The following FGF17 variants were observed in gnomAD, a reference collection of about 807,000 sequenced individuals.
FGF17 encodes the protein fibroblast growth factor 17.
In FGF17, 5 loss-of-function variants were observed where a neutral mutation model predicts 23.5. The ratio of observed to expected loss-of-function variants is 0.21; its 90% confidence interval spans 0.11 to 0.45. FGF17 has a LOEUF of 0.45. Ranked by LOEUF, FGF17 falls within the 20% of genes least tolerant of loss-of-function variation. The probability of loss-of-function intolerance (pLI) is 0.99; values close to 1 mark genes in which losing one functional copy is unlikely to be tolerated. For missense variants in FGF17, 221 were observed against 306.9 expected, an observed-to-expected ratio of 0.72 and a Z score of 2.09; for synonymous variants, 136 against 123.0, an observed-to-expected ratio of 1.11 and a Z score of -0.70.
chr8:22,042,904 A>G lies in FGF17; in HGVS notation c.-25A>G. 6.2e-7 allele frequency: 1 copy of G among 1,613,028 alleles called. No individual in the cohort carries two copies. Among genetic ancestry groups the G allele is most frequent in the Non-Finnish European group, 8.5e-7 (1 of 1,179,640 alleles). ...CTCCTGAGCTTGGGGGCAGGGGGGCAACCGCCTGAGGAACCTCTCCAGCGA... is the reference window on the plus strand; with the variant it reads ...CTCCTGAGCTTGGGGGCAGGGGGGCGACCGCCTGAGGAACCTCTCCAGCGA... On this transcript the variant is annotated 5_prime_UTR_variant, in exon 1 of 5. Transcript: ENST00000359441.
intron 2 of FGF17, among the ~76,000 whole-genome samples, chr8:22,043,642 G>T (rs1460950275): frequency 2.6e-5 from 4 of 152,084 alleles, no homozygotes; most frequent in Non-Finnish European, 5.9e-5. Context: ...AGAATGCCTG[G>T]CCAGGGTGAG....
At chr8:22,044,473 G>A in intron 2 of FGF17, 1 of 153,706 alleles carries the variant, frequency 6.5e-6, no homozygotes, top group Non-Finnish European at 1.4e-5. Context: ...AAGCTTGAAG[G>A]GGGACGAGGA....
chr8:22,045,709 G>C, intron 2 of FGF17: 1 of 1,119,780 alleles, frequency 8.9e-7, no homozygotes, highest in Non-Finnish European at 1.1e-6. Flanking sequence ...TGTCCTTGGA[G>C]TTCTGGGGGA....
upstream of FGF17, among the ~76,000 whole-genome samples, chr8:22,041,506 C>T (rs1292872168): frequency 2.0e-5 from 3 of 152,178 alleles, no homozygotes; most frequent in African/African-American, 7.2e-5. Context: ...GGTCTTCCCT[C>T]AGAGACCCCC....
rs1801020473 is a variant in FGF17 at position 22,048,555 on chromosome 8, T to TGAA, written c.*308_*310dup. The TGAA allele has an allele frequency of 2.3e-6, 1 of 428,456 alleles. No homozygotes were observed. The highest frequency in any genetic ancestry group is 4.2e-6 in the Non-Finnish European group (1 of 239,396). 26.5% of individuals were successfully genotyped at this position (428,456 alleles called of 1,614,324 possible). On this transcript the variant is annotated 3_prime_UTR_variant, in exon 5 of 5. Coordinates refer to ENST00000359441, the MANE Select transcript of FGF17 (RefSeq NM_003867.4). The surrounding 1 kb of genome is among the most constrained non-coding windows in gnomAD (Gnocchi z 6.9). ...TGAAGCCCGCTGAAAGGTCAGCGAC[T>TGAA]GAAGGCCTTGCAGACAACCGTCTGG...
At chr8:22,044,035 C>A (rs192015433) in intron 2 of FGF17, among the ~76,000 whole-genome samples, 73 of 151,934 alleles carry the variant, frequency 4.8e-4, no homozygotes, top group Non-Finnish European at 8.4e-4. Context: ...ATTCCCCCCC[C>A]CTTCCTTCCC....
At chr8:22,045,649 G>A (rs1395348044) in intron 2 of FGF17, 1 of 1,067,070 alleles carries the variant, frequency 9.4e-7, no homozygotes, top group South Asian at 3.1e-5. Context: ...GTCTTTCAAG[G>A]CCAGTGGGGA....
At chr8:22,047,880 A>C in intron 4 of FGF17, 76 bp from the exon 5 acceptor site, 2 of 1,470,172 alleles carry the variant, frequency 1.4e-6, no homozygotes, top group Non-Finnish European at 1.8e-6. Context: ...TCAGTCGTCC[A>C]AAATAGGCCG....
chr8:22,048,224 C>T lies in FGF17; in HGVS notation c.626C>T (p.Thr209Ile). The change falls in exon 5 of 5, where the codon ACA (threonine) becomes ATA (isoleucine). Residue 209 changes from threonine to isoleucine, a missense_variant. Physicochemically the swap from Thr to Ile is moderately conservative, Grantham distance 89. Coordinates refer to ENST00000359441, the MANE Select transcript of FGF17 (RefSeq NM_003867.4). The surrounding 1 kb of genome is among the most constrained non-coding windows in gnomAD (Gnocchi z 6.9). ...GCCCCCACCCGCCGGACCAAGCGCA[C>T]ACGGCGGCCCCAGCCCCTCACGTAG... ...GSAPTRRTKR[T>I]RRPQPLT The T allele has an allele frequency of 1.2e-6, 2 of 1,608,866 alleles. No individual in the cohort carries two copies. The highest frequency in any genetic ancestry group is 1.7e-6 in the Non-Finnish European group (2 of 1,178,186).
chr8:22,042,657 C>T (rs1256817964), upstream of FGF17: 2 of 597,260 alleles, frequency 3.3e-6, no homozygotes, highest in Non-Finnish European at 3.0e-6. Flanking sequence ...CCAGAGGGCA[C>T]AGCGCGCACG....
intron 3 of FGF17, 46 bp downstream of exon 3, chr8:22,046,337 C>A: frequency 6.3e-7 from 1 of 1,588,726 alleles, no homozygotes; most frequent in Non-Finnish European, 8.6e-7. Flanking sequence ...TCCACTCTGC[C>A]TCACTTCCAC....
At position 22,048,042 on chromosome 8, in the gene FGF17, C is replaced by T. The variant is rs1389424375; in HGVS notation, c.444C>T (p.Gly148=). The change falls in exon 5 of 5, where the codon GGC becomes GGT. Residue 148 remains glycine (G), a synonymous_variant. Coordinates refer to ENST00000359441, the MANE Select transcript of FGF17 (RefSeq NM_003867.4). The surrounding 1 kb of genome is among the most constrained non-coding windows in gnomAD (Gnocchi z 6.9). ...CCTTCCAGAACGCCCGGCACGAGGG[C>T]TGGTTCATGGCCTTCACGCGGCAGG... ...YTAFQNARHE[G]WFMAFTRQGR... 5.0e-6 allele frequency: 8 copies of T among 1,613,066 alleles called. No individual in the cohort carries two copies. The highest frequency in any genetic ancestry group is 5.9e-6 in the Non-Finnish European group (7 of 1,179,704).
At chr8:22,047,871 C>A in intron 4 of FGF17, 85 bp from the exon 5 acceptor site, 2 of 1,375,026 alleles carry the variant, frequency 1.5e-6, no homozygotes, top group Non-Finnish European at 2.0e-6. Context: ...TGTCCCTCCT[C>A]AGTCGTCCAA....
chr8:22,047,482 G>A (rs1215483039), intron 4 of FGF17, among the ~76,000 whole-genome samples: 3 of 152,194 alleles, frequency 2.0e-5, no homozygotes, highest in African/African-American at 7.2e-5. Context: ...GCTTATCTTT[G>A]TCAAGCCTCA....
intron 2 of FGF17, among the ~76,000 whole-genome samples, chr8:22,043,577 C>T (rs1218317357): frequency 6.6e-6 from 1 of 152,158 alleles, no homozygotes; most frequent in Admixed American, 6.5e-5. Flanking sequence ...GTCCTTCTCG[C>T]CACCCCACTC....
chr8:22,045,554 C>A (rs1800846829), intron 2 of FGF17: 1 of 996,874 alleles, frequency 1.0e-6, no homozygotes, highest in Admixed American at 5.7e-5. Flanking sequence ...TGGGACCCTG[C>A]AGGAGCTTTC....
chr8:22,047,889 C>T (rs1800977881), intron 4 of FGF17, 67 bp from the exon 5 acceptor site: 6 of 1,503,032 alleles, frequency 4.0e-6, no homozygotes, highest in South Asian at 1.3e-5. Flanking sequence ...CAAAATAGGC[C>T]GTAAGGGCGA....
At chr8:22,041,937 TC>T (rs1433338354), upstream of FGF17, among the ~76,000 whole-genome samples, 1 of 152,160 alleles carries the variant, frequency 6.6e-6, no homozygotes, top group African/African-American at 2.4e-5. Flanking sequence ...TCCGAGCTGC[TC>T]CTAGCTCAGA....
chr8:22,045,050 C>T (rs920107832), intron 2 of FGF17: 1 of 985,580 alleles, frequency 1.0e-6, no homozygotes, highest in Non-Finnish European at 1.2e-6. Context: ...GAGGCTGTTG[C>T]CAGGAGCCAG....
Sources: allele counts gnomAD v4.1 joint callset (sites outside exome capture counted in the v4.1 genomes callset), GRCh38; gene constraint gnomAD v4.1.1; non-coding constraint Gnocchi (gnomAD v3.1); transcripts MANE v1.5; gene names NCBI Gene and HGNC (gene_info 2026-07-23, HGNC 2026-07-21).